DMKN: variants seen among roughly 807,000 people sequenced by gnomAD.
The protein encoded by DMKN is dermokine, also known as epidermis-specific secreted protein SK30/SK89.
DMKN carries 58 observed loss-of-function variants against 67.6 expected under a neutral mutation model. The observed-to-expected ratio is 0.86, with a 90% CI of 0.69 to 1.07. DMKN has a LOEUF of 1.07. DMKN is among the 50% of genes least tolerant of loss of function. The pLI, the probability that DMKN is intolerant of heterozygous loss-of-function variation, is 0.00. For missense variants in DMKN, 596 were observed against 601.5 expected (o/e 0.99, Z 0.10); for synonymous variants, 240 against 232.3 (o/e 1.03, Z -0.30).
chr19:35,502,159 G>A lies in DMKN; in HGVS notation c.1216C>T (p.Leu406Phe). Residue 406 changes from leucine to phenylalanine, a missense_variant, in exon 11 of 16, where the codon CTC (leucine) becomes TTC (phenylalanine). Coordinates refer to ENST00000339686, the MANE Select transcript of DMKN (RefSeq NM_033317.5). ...ACCTCAATAATTGCTTTCCAGTTGA[G>A]GAAAGGAGTGTTCTGTTTGAAATCC... ...WEDFKQNTPF[L>F]NWKAIIEGAD... is the part of the protein sequence containing the mutation. The A allele has an allele frequency of 2.5e-6, 4 of 1,614,164 alleles. No individual in the cohort carries two copies. The highest frequency in any genetic ancestry group is 3.4e-6 in the Non-Finnish European group (4 of 1,180,026).
chr19:35,505,630 G>T, intron 9 of DMKN, 88 bp downstream of exon 9: 1 of 1,562,152 alleles, frequency 6.4e-7, no homozygotes, highest in Non-Finnish European at 8.8e-7. Flanking sequence ...CTTCCTCAGT[G>T]GCCAGCATCA....
At position 35,500,571 on chromosome 19, in the gene DMKN, C is replaced by T. The variant is rs757510350; in HGVS notation, c.1249G>A (p.Ala417Thr). The part of the protein sequence containing the change: ...NWKAIIEGAD[A>T]SSLQKRAGRD... Reference sequence around the variant, plus strand: ...CCTGCACGTTTCTGCAGTGATGACGCGTCCGCACCCTGAAAGGAAGAAGGG... The same window carrying T: ...CCTGCACGTTTCTGCAGTGATGACGTGTCCGCACCCTGAAAGGAAGAAGGG... The change falls in exon 12 of 16, where the codon GCG becomes ACG. Residue 417 changes from alanine to threonine, a missense_variant. Transcript: ENST00000339686. 29 of 1,608,864 alleles carry T rather than the reference C, an allele frequency of 1.8e-5. No individual in the cohort carries two copies. The highest frequency in any genetic ancestry group is 1.5e-4 in the Admixed American group (9 of 59,808).
intron 7 of DMKN, 128 bp from the exon 8 acceptor site, chr19:35,506,114 G>T (rs1405851650): frequency 1.3e-6 from 2 of 1,590,082 alleles, no homozygotes; most frequent in Admixed American, 3.5e-5. Flanking sequence ...GTGGAGTGTT[G>T]CCTCCACTCA....
Position 35,513,495 on chromosome 19 carries a change from T to G in DMKN, c.-20A>C. ...CTTCATCTCTGCCCAGCCCCCTCTCTCTCCAGAGTGTCTTCCTCCCACCAG... is the reference window on the plus strand; with the variant it reads ...CTTCATCTCTGCCCAGCCCCCTCTCGCTCCAGAGTGTCTTCCTCCCACCAG... On this transcript the variant is annotated 5_prime_UTR_variant, in exon 1 of 16. Transcript: ENST00000339686. 6.3e-7 allele frequency: 1 copy of G among 1,582,738 alleles called. No individual in the cohort carries two copies. The highest frequency in any genetic ancestry group is 1.1e-5 in the South Asian group (1 of 88,792).
rs1407838750 is a variant in DMKN, at chr19:35,513,198, T to C, written c.278A>G (p.Asp93Gly). 2.5e-6 allele frequency: 4 copies of C among 1,614,072 alleles called. No homozygotes were observed. The highest frequency in any genetic ancestry group is 3.4e-6 in the Non-Finnish European group (4 of 1,180,030). The change falls in exon 1 of 16, where the codon GAT (aspartate) becomes GGT (glycine). Residue 93 changes from aspartate (D) to glycine (G), a missense_variant. Asp to Gly is a moderately conservative substitution (Grantham distance 94, BLOSUM62 -1). Transcript: ENST00000339686. ...TTCCCCGACCCTGTTGCCCAAAGCA[T>C]CTGCTACGCCAAAGCCTGGAACCTG... ...VRQVPGFGVA[D>G]ALGNRVGEAA...
intron 9 of DMKN, among the ~76,000 whole-genome samples, chr19:35,505,088 C>T (rs1219076459): frequency 1.3e-5 from 2 of 151,968 alleles, no homozygotes; most frequent in African/African-American, 4.8e-5. Context: ...CAGCTTCTGC[C>T]GGGGGTGTGT....
intron 15 of DMKN, 155 bp from the exon 16 acceptor site, chr19:35,497,693 T>A (rs1321090806): frequency 1.3e-5 from 2 of 152,328 alleles, no homozygotes; most frequent in African/African-American, 4.8e-5. Flanking sequence ...TAAAACAGAG[T>A]TTGTGGTTCT....
intron 11 of DMKN, 22 bp from the exon 12 acceptor site, chr19:35,500,602 A>G (rs2068195459): frequency 1.3e-6 from 2 of 1,599,684 alleles, no homozygotes; most frequent in Non-Finnish European, 1.7e-6. Context: ...AAGGGGCCAC[A>G]GTTCGTGCCT....
rs2068667260 is a variant in DMKN, at chr19:35,502,873, G to C, written c.1148C>G (p.Pro383Arg). Residue 383 changes from proline (P) to arginine (R), a missense_variant, in exon 10 of 16, where the codon CCC becomes CGC. Transcript: ENST00000339686. Reference sequence around the variant, plus strand: ...GTAGAGGAGGGCTCGGGTGCTGGGGGGCGGGACCTGGTTCTGTGGATGAAA... The same window carrying C: ...GTAGAGGAGGGCTCGGGTGCTGGGGCGCGGGACCTGGTTCTGTGGATGAAA... ...WDAINKNQVP[P>R]PSTRALLYFS... 5 of 1,613,908 alleles carry C rather than the reference G, an allele frequency of 3.1e-6. No homozygotes were observed. The highest frequency in any genetic ancestry group is 1.7e-5 in the Admixed American group (1 of 59,984).
chr19:35,500,410 C>T, intron 12 of DMKN, 123 bp downstream of exon 12: 1 of 1,552,176 alleles, frequency 6.4e-7, no homozygotes, highest in Non-Finnish European at 8.7e-7. Flanking sequence ...TCCTGCCATC[C>T]TGCACCCGGC....
chr19:35,503,578 C>T (rs1183170749), intron 9 of DMKN: 16 of 1,272,966 alleles, frequency 1.3e-5, no homozygotes, highest in East Asian at 7.8e-5. Context: ...CAGGTTCAAG[C>T]GATTCTCCTG....
rs1171626625 is a variant in DMKN at position 35,513,487 on chromosome 19, C to A, written c.-12G>T. Reference sequence around the variant, plus strand: ...CCCTGGAACTTCATCTCTGCCCAGCCCCCTCTCTCTCCAGAGTGTCTTCCT... The same window carrying A: ...CCCTGGAACTTCATCTCTGCCCAGCACCCTCTCTCTCCAGAGTGTCTTCCT... On this transcript the variant is annotated 5_prime_UTR_variant, in exon 1 of 16. Coordinates refer to ENST00000339686, the MANE Select transcript of DMKN (RefSeq NM_033317.5). The A allele has an allele frequency of 6.3e-7, 1 of 1,588,814 alleles. No individual in the cohort carries two copies. The highest frequency in any genetic ancestry group is 1.1e-5 in the South Asian group (1 of 89,756).
At chr19:35,505,256 G>A (rs759895197) in intron 9 of DMKN, among the ~76,000 whole-genome samples, 1 of 152,070 alleles carries the variant, frequency 6.6e-6, no homozygotes, top group Non-Finnish European at 1.5e-5. Context: ...GGGGTTCTGC[G>A]CCCCAGCTGT....
Position 35,502,082 on chromosome 19 carries a change from C to T in DMKN, c.1239+54G>A, listed in dbSNP as rs376906273. 267 of 1,610,840 alleles carry T rather than the reference C, an allele frequency of 1.7e-4. 3 individuals are homozygous for T. In the African/African-American group the frequency reaches 2.4e-3, roughly 14 times the overall value. On this transcript the variant is annotated intron_variant, in intron 11 of 15. Coordinates refer to ENST00000339686, the MANE Select transcript of DMKN (RefSeq NM_033317.5). ...GGGACAGACACCTGGGTCAGCGGCT[C>T]GCCCAGGGCCCCGAACCCTGTGTCC...
At chr19:35,505,848 T>G in intron 8 of DMKN, 83 bp from the exon 9 acceptor site, 2 of 1,613,510 alleles carry the variant, frequency 1.2e-6, no homozygotes, top group Non-Finnish European at 1.7e-6. Flanking sequence ...CTGCTGACTG[T>G]TGGTTTAGAA....
chr19:35,507,740 G>A (rs1665499683), intron 7 of DMKN: 1 of 542,860 alleles, frequency 1.8e-6, no homozygotes, highest in Non-Finnish European at 3.3e-6. Context: ...GCTCACTTAC[G>A]ATGTCCATAG....
Position 35,513,262 on chromosome 19 carries a change from C to A in DMKN, c.214G>T (p.Gly72Cys). 1.2e-6 allele frequency: 2 copies of A among 1,613,962 alleles called. No individual in the cohort carries two copies. The highest frequency in any genetic ancestry group is 1.7e-6 in the Non-Finnish European group (2 of 1,179,884). Residue 72 changes from glycine (G) to cysteine (C), a missense_variant, in exon 1 of 16, where the codon GGC becomes TGC. Transcript: ENST00000339686. ...AAGSKVSEALGQGTREAVGTG... is the reference protein window; with the variant it reads ...AAGSKVSEALCQGTREAVGTG... Reference sequence around the variant, plus strand: ...CCAACTGCTTCTCTGGTCCCTTGGCCAAGGGCCTCACTGACTTTAGAGCCA... The same window carrying A: ...CCAACTGCTTCTCTGGTCCCTTGGCAAAGGGCCTCACTGACTTTAGAGCCA...
At chr19:35,502,012 G>T in intron 11 of DMKN, 124 bp downstream of exon 11, 2 of 1,576,332 alleles carry the variant, frequency 1.3e-6, no homozygotes, top group Non-Finnish European at 1.7e-6. Context: ...CCCCCACTCG[G>T]GATTGCACAA....
intron 3 of DMKN, 99 bp downstream of exon 3, chr19:35,512,322 C>T: frequency 6.7e-7 from 1 of 1,484,576 alleles, no homozygotes; most frequent in South Asian, 1.3e-5. Flanking sequence ...CACCCCAATC[C>T]CTCCACTCCC....
Sources: allele counts gnomAD v4.1 joint callset (sites outside exome capture counted in the v4.1 genomes callset), GRCh38; gene constraint gnomAD v4.1.1; transcripts MANE v1.5; gene names NCBI Gene and HGNC (gene_info 2026-07-23, HGNC 2026-07-21).